Variants in MBTD1 observed in about 807,000 individuals in gnomAD.
MBTD1 encodes the protein MBT domain-containing protein 1.
A neutral mutation model predicts 87.8 loss-of-function variants in MBTD1; 24 were observed. The observed-to-expected ratio is 0.27, with a 90% CI of 0.20 to 0.38. The LOEUF (loss-of-function observed/expected upper bound fraction) is 0.38. Among genes scored for constraint, MBTD1 ranks in the 10% least tolerant of loss-of-function variants. The pLI is 1.00. For synonymous variants in MBTD1, 237 were observed against 248.6 expected, an observed-to-expected ratio of 0.95 and a Z score of 0.44; for missense variants, 436 against 760.2, an observed-to-expected ratio of 0.57 and a Z score of 5.02.
At chr17:51,248,099 T>C (rs1232070065) in intron 2 of MBTD1, among the ~76,000 whole-genome samples, 2 of 152,228 alleles carry the variant, frequency 1.3e-5, no homozygotes, top group Non-Finnish European at 2.9e-5. Context: ...TAAAATTTCA[T>C]GTGTGCTTTC....
rs1276596504 is a variant in MBTD1 at position 51,180,653 on chromosome 17, C to T, written c.1810G>A (p.Asp604Asn). The change falls in exon 17 of 17, where the codon GAT becomes AAT. Residue 604 changes from aspartate (D) to asparagine (N), a missense_variant. Asp to Asn is a conservative substitution (Grantham distance 23). Transcript: ENST00000586178. ...GACGCTCCTTGAAGGAAATTATAAT[C>T]CTCTCCATCCAGCAACTCCTCCTTC... Reference protein sequence around the residue: ...QLKEELLDGEDYNFLQGASDQ... With the variant: ...QLKEELLDGENYNFLQGASDQ... 8 of 1,550,926 alleles carry T rather than the reference C, an allele frequency of 5.2e-6. No homozygotes were observed. Among genetic ancestry groups the T allele is most frequent in the Non-Finnish European group, 6.1e-6 (7 of 1,146,288 alleles).
intron 16 of MBTD1, among the ~76,000 whole-genome samples, chr17:51,187,927 C>T (rs936631258): frequency 5.3e-5 from 8 of 150,684 alleles, no homozygotes; most frequent in Non-Finnish European, 1.0e-4. Context: ...CTGTTTTCTT[C>T]CAGATGACAG....
At chr17:51,180,793 C>CT in intron 16 of MBTD1, 99 bp from the exon 17 acceptor site, 1 of 687,342 alleles carries the variant, frequency 1.5e-6, no homozygotes, top group Non-Finnish European at 2.6e-6. Flanking sequence ...GTTATTAAGA[C>CT]TTCTTCATTT....
intron 2 of MBTD1, among the ~76,000 whole-genome samples, chr17:51,232,310 C>T (rs1415561003): frequency 6.6e-6 from 1 of 152,112 alleles, no homozygotes; most frequent in East Asian, 1.9e-4. Flanking sequence ...GGCCTTTCAG[C>T]ATTCCCACCA....
intron 8 of MBTD1, among the ~76,000 whole-genome samples, 162 bp downstream of exon 8, chr17:51,203,629 T>G (rs1045776012): frequency 2.0e-5 from 3 of 152,186 alleles, no homozygotes; most frequent in Non-Finnish European, 4.4e-5. Flanking sequence ...ACTCCTGACC[T>G]CAAGTGATCC....
chr17:51,236,164 G>A (rs1295695972), intron 2 of MBTD1, among the ~76,000 whole-genome samples: 1 of 151,764 alleles, frequency 6.6e-6, no homozygotes, highest in Non-Finnish European at 1.5e-5. Flanking sequence ...TATATCTATA[G>A]ATTCACATCT....
At chr17:51,194,715 T>C (rs1490928786) in intron 13 of MBTD1, among the ~76,000 whole-genome samples, 3 of 149,486 alleles carry the variant, frequency 2.0e-5, no homozygotes, top group African/African-American at 4.9e-5. Flanking sequence ...GATTCCTGTC[T>C]GTACATACAA....
At chr17:51,221,750 T>C (rs138951966) in intron 3 of MBTD1, among the ~76,000 whole-genome samples, 2 of 152,338 alleles carry the variant, frequency 1.3e-5, no homozygotes, top group Non-Finnish European at 1.5e-5. Flanking sequence ...GTATTAGCTA[T>C]AAGTAATCTA....
chr17:51,225,124 C>T lies in MBTD1; in HGVS notation c.38G>A (p.Ser13Asn). 6.4e-7 allele frequency: 1 copy of T among 1,551,264 alleles called. No individual in the cohort carries two copies. Residue 13 changes from serine to asparagine, a missense_variant, in exon 3 of 17, where the codon AGC becomes AAC. Coordinates refer to ENST00000586178, the MANE Select transcript of MBTD1 (RefSeq NM_017643.3). ...ACTCTCTTCGGAGCTGGAGCTGCTGCTTGTGTCCTCACTGCAGCTATCATA... is the reference window on the plus strand; with the variant it reads ...ACTCTCTTCGGAGCTGGAGCTGCTGTTTGTGTCCTCACTGCAGCTATCATA... ...DGYDSCSEDTSSSSSSEESEE... is the reference protein window; with the variant it reads ...DGYDSCSEDTNSSSSSEESEE...
intron 16 of MBTD1, among the ~76,000 whole-genome samples, chr17:51,189,316 C>G (rs978050955): frequency 3.9e-5 from 6 of 152,144 alleles, no homozygotes; most frequent in African/African-American, 1.4e-4. Context: ...TAGTTCTTTT[C>G]TTTTCTATGT....
At chr17:51,194,564 C>A (rs2050978157) in intron 13 of MBTD1, among the ~76,000 whole-genome samples, 1 of 19,736 alleles carries the variant, frequency 5.1e-5, no homozygotes, top group Non-Finnish European at 8.5e-5. Context: ...GCGAGACTGT[C>A]TCAAAAAAAA....
In MBTD1 at chr17:51,179,516, A is replaced by ATATATATATATATATATT. The variant is rs2050225565; in HGVS notation, c.*1059_*1060insAATATATATATATATATA. 5 of 87,964 alleles carry ATATATATATATATATATT rather than the reference A, an allele frequency of 5.7e-5. No homozygotes were observed. In the South Asian group the frequency reaches 1.6e-3, roughly 27 times the overall value. 5.4% of individuals were successfully genotyped at this position (87,964 alleles called of 1,614,324 possible). ...TATATATATATATATATATATATAT[A>ATATATATATATATATATT]TATATATATATATATATATATGGAA... On this transcript the variant is annotated 3_prime_UTR_variant, in exon 17 of 17. Transcript: ENST00000586178.
intron 2 of MBTD1, among the ~76,000 whole-genome samples, chr17:51,231,595 T>C (rs186377405): frequency 6.6e-6 from 1 of 152,318 alleles, no homozygotes; most frequent in East Asian, 1.9e-4. Context: ...AGGACTGTTT[T>C]AGAGAAATGT....
chr17:51,246,587 A>C (rs987267854), intron 2 of MBTD1, among the ~76,000 whole-genome samples: 4 of 152,180 alleles, frequency 2.6e-5, no homozygotes, highest in East Asian at 1.9e-4. Flanking sequence ...TTTCCAGATA[A>C]ACAATCACGT....
At chr17:51,241,889 G>A (rs2054181529) in intron 2 of MBTD1, among the ~76,000 whole-genome samples, 1 of 152,108 alleles carries the variant, frequency 6.6e-6, no homozygotes, top group African/African-American at 2.4e-5. Context: ...TTTATAACTC[G>A]TTATTGTCCT....
chr17:51,220,497 T>C (rs1196048983), intron 3 of MBTD1, 34 bp from the exon 4 acceptor site: 3 of 1,485,334 alleles, frequency 2.0e-6, no homozygotes, highest in Non-Finnish European at 1.8e-6. Flanking sequence ...GGTGTTATGA[T>C]GATATAATAA....
chr17:51,245,062 G>A (rs1382896535), intron 2 of MBTD1, among the ~76,000 whole-genome samples: 2 of 152,006 alleles, frequency 1.3e-5, no homozygotes, highest in African/African-American at 2.4e-5. Context: ...CACCACGCCC[G>A]GCTAATTTTT....
chr17:51,181,315 G>A (rs868324305), intron 16 of MBTD1, among the ~76,000 whole-genome samples: 8 of 152,212 alleles, frequency 5.3e-5, no homozygotes, highest in Non-Finnish European at 1.0e-4. Flanking sequence ...GTGAGCCACC[G>A]TGCCCGGCCT....
intron 2 of MBTD1, among the ~76,000 whole-genome samples, chr17:51,228,020 AG>A (rs1448164688): frequency 6.6e-6 from 1 of 152,176 alleles, no homozygotes; most frequent in Non-Finnish European, 1.5e-5. Context: ...CAGAAATTGT[AG>A]GAGATAATAT....
Sources: gnomAD v4.1 joint callset for allele counts (sites outside exome capture counted in the v4.1 genomes callset) on GRCh38, gnomAD v4.1.1 for gene constraint, MANE v1.5 for transcripts, NCBI Gene and HGNC (gene_info 2026-07-23, HGNC 2026-07-21) for gene names.